NOTCH2: variants seen among roughly 807,000 people sequenced by gnomAD.
The protein encoded by NOTCH2 is neurogenic locus notch homolog protein 2.
NOTCH2 carries 29 observed loss-of-function variants against 235.8 expected under a neutral mutation model. The ratio of observed to expected loss-of-function variants is 0.12; its 90% CI spans 0.09 to 0.17. The LOEUF (loss-of-function observed/expected upper bound fraction) is 0.17. Ranked by LOEUF, NOTCH2 falls within the 10% of genes least tolerant of loss-of-function variation. NOTCH2 has a pLI of 1.00. For synonymous variants in NOTCH2, 1,086 were observed against 1,141.5 expected (o/e 0.95, Z 0.98); for missense variants, 2,285 against 3,150.2 (o/e 0.73, Z 6.57).
At position 120,069,311 on chromosome 1, in the gene NOTCH2, G is replaced by C. The variant is rs782146126; in HGVS notation, c.73+23C>G. The C allele has an allele frequency of 1.2e-5, 19 of 1,550,550 alleles. No homozygotes were observed. In the South Asian group the frequency reaches 1.6e-4, roughly 13 times the overall value. ...GTGGCAGCCCCGGGCGCCGCGGACAGCGCCCCTCAGCCCGATACTCACCAT... is the reference window on the plus strand; with the variant it reads ...GTGGCAGCCCCGGGCGCCGCGGACACCGCCCCTCAGCCCGATACTCACCAT... On this transcript the variant is annotated intron_variant, in intron 1 of 33. Coordinates refer to ENST00000256646, the MANE Select transcript of NOTCH2 (RefSeq NM_024408.4).
rs73004269 is a variant in NOTCH2 at position 119,966,426 on chromosome 1, T to C, written c.1517A>G (p.Asn506Ser). Reference protein sequence around the residue: ...NECQSNPCVNNGQCVDKVNRF... With the variant: ...NECQSNPCVNSGQCVDKVNRF... ...ATTGACTTTATCCACACACTGCCCA[T>C]TGTTCACACAAGGGTTGCTCTGACA... Residue 506 changes from asparagine to serine, a missense_variant, in exon 9 of 34, where the codon AAT (asparagine) becomes AGT (serine). Transcript: ENST00000256646. 8 of 1,614,100 alleles carry C rather than the reference T, an allele frequency of 5.0e-6. No individual in the cohort carries two copies. The African/African-American group carries it at 8.0e-5, about 16-fold the overall frequency.
rs1289256580 is a variant in NOTCH2, at chr1:119,914,156, A to C, written c.*1150T>G. On this transcript the variant is annotated 3_prime_UTR_variant, in exon 34 of 34. Coordinates refer to ENST00000256646, the MANE Select transcript of NOTCH2 (RefSeq NM_024408.4). ...ATTTGAGACAGTGTCTTCTGTGGATATGAAAGGAAAGGCTCAACAGTTAAG... is the reference window on the plus strand; with the variant it reads ...ATTTGAGACAGTGTCTTCTGTGGATCTGAAAGGAAAGGCTCAACAGTTAAG... The C allele has an allele frequency of 4.3e-6, 1 of 233,146 alleles. No individual in the cohort carries two copies. The highest frequency in any genetic ancestry group is 6.0e-5 in the East Asian group (1 of 16,604). The allele number at this position is 233,146 out of a possible 1,614,324, so 14.4% of individuals were successfully genotyped here. A position where few individuals can be genotyped will look rare whatever the true frequency, so the allele number is the denominator to read the frequency against.
At chr1:120,058,301 C>G (rs1230408509) in intron 1 of NOTCH2, among the ~76,000 whole-genome samples, 1 of 151,502 alleles carries the variant, frequency 6.6e-6, no homozygotes, top group Non-Finnish European at 1.5e-5. Flanking sequence ...GTCAGGAGTA[C>G]GAGACCAGCC....
At position 120,069,390 on chromosome 1, in the gene NOTCH2, G is replaced by C. The variant is rs782374128; in HGVS notation, c.17C>G (p.Pro6Arg). Residue 6 changes from proline to arginine, a missense_variant, in exon 1 of 34, where the codon CCC (proline) becomes CGC (arginine). Physicochemically the swap from Pro to Arg is moderately radical, Grantham distance 103. Coordinates refer to ENST00000256646, the MANE Select transcript of NOTCH2 (RefSeq NM_024408.4). ...CGCCAGCAGCGCCCACAGCAGAGCG[G>C]GGCGCAGGGCGGGCATCTTCTCGGT... MPALR[P>R]ALLWALLALW... The C allele has an allele frequency of 7.1e-6, 11 of 1,552,452 alleles. No individual in the cohort carries two copies. In the South Asian group the frequency reaches 1.3e-4, roughly 18 times the overall value.
intron 1 of NOTCH2, among the ~76,000 whole-genome samples, chr1:120,041,578 A>AT (rs1553212823): frequency 6.7e-6 from 1 of 150,344 alleles, no homozygotes; most frequent in Non-Finnish European, 1.5e-5. Flanking sequence ...ACAGAAGAGA[A>AT]CTCTAGGTTT....
intron 11 of NOTCH2, among the ~76,000 whole-genome samples, chr1:119,962,018 C>A (rs922767359): frequency 6.6e-6 from 1 of 152,150 alleles, no homozygotes; most frequent in East Asian, 1.9e-4. Flanking sequence ...GTTGTCTGAC[C>A]GTTGCTTGCT....
chr1:120,033,829 A>C (rs1302922145), intron 1 of NOTCH2, among the ~76,000 whole-genome samples: 30 of 152,290 alleles, frequency 2.0e-4, no homozygotes, highest in African/African-American at 7.0e-4. Context: ...GGATACACTA[A>C]CTACCTTTTA....
intron 1 of NOTCH2, among the ~76,000 whole-genome samples, chr1:120,039,543 G>A (rs1425606229): frequency 5.0e-4 from 75 of 151,112 alleles, no homozygotes; most frequent in African/African-American, 1.7e-3. Flanking sequence ...CGAGTAGCTG[G>A]GACTATAGGT....
At chr1:120,028,900 C>T (rs1250172008) in intron 2 of NOTCH2, among the ~76,000 whole-genome samples, 1 of 151,240 alleles carries the variant, frequency 6.6e-6, no homozygotes, top group Non-Finnish European at 1.5e-5. Context: ...TCAATTGAGG[C>T]AGAAGAAAAA....
At chr1:119,960,539 G>T (rs377383709) in intron 11 of NOTCH2, among the ~76,000 whole-genome samples, 3 of 151,382 alleles carry the variant, frequency 2.0e-5, no homozygotes, top group African/African-American at 7.3e-5. Flanking sequence ...TATGAATTTA[G>T]TGATGCTTTC....
At position 119,915,763 on chromosome 1, in the gene NOTCH2, C is replaced by T. The variant is rs2101142432; in HGVS notation, c.6959G>A (p.Gly2320Glu). Residue 2320 changes from glycine to glutamate, a missense_variant, in exon 34 of 34, where the codon GGG (glycine) becomes GAG (glutamate). This residue lies in a region of NOTCH2 where 504 missense variants were observed against 538.0 expected (regional missense o/e 0.94). Transcript: ENST00000256646. ...IPKGSIAQPA[G>E]APQPQSTCPP... ...GCAGGTGGACTGAGGCTGGGGAGCC[C>T]CCGCTGGTTGGGCAATACTGCCTTT... The T allele has an allele frequency of 6.2e-7, 1 of 1,607,972 alleles. No homozygotes were observed. The highest frequency in any genetic ancestry group is 1.1e-5 in the South Asian group (1 of 90,600).
At chr1:120,057,959 TG>T (rs1553215517) in intron 1 of NOTCH2, among the ~76,000 whole-genome samples, 1 of 105,520 alleles carries the variant, frequency 9.5e-6, no homozygotes, top group African/African-American at 3.7e-5. Flanking sequence ...TAAAACACCA[TG>T]ATTTATTGCA....
rs1278237376 is a variant in NOTCH2, at chr1:120,069,574, G to A, written c.-168C>T. Reference sequence around the variant, plus strand: ...CCAGGCGCAAATGCCTCGACTCCCCGCGCCCCGAGTCCGCCGCTCCTCGGC... The same window carrying A: ...CCAGGCGCAAATGCCTCGACTCCCCACGCCCCGAGTCCGCCGCTCCTCGGC... On this transcript the variant is annotated 5_prime_UTR_variant, in exon 1 of 34. Transcript: ENST00000256646. The A allele has an allele frequency of 1.4e-6, 2 of 1,410,268 alleles. No homozygotes were observed. The highest frequency in any genetic ancestry group is 2.9e-5 in the East Asian group (1 of 34,740). 87.4% of individuals were successfully genotyped at this position (1,410,268 alleles called of 1,614,324 possible). A position where few individuals can be genotyped will look rare whatever the true frequency, so the allele number is the denominator to read the frequency against.
At chr1:119,951,840 G>A (rs1319060862) in intron 14 of NOTCH2, among the ~76,000 whole-genome samples, 1 of 152,218 alleles carries the variant, frequency 6.6e-6, no homozygotes, top group East Asian at 1.9e-4. Flanking sequence ...TGCCCACTGG[G>A]CATATAATTT....
intron 5 of NOTCH2, among the ~76,000 whole-genome samples, chr1:119,975,049 T>C (rs1651518214): frequency 2.0e-5 from 3 of 152,180 alleles, no homozygotes; most frequent in Admixed American, 2.0e-4. Context: ...TGCCCAACTT[T>C]GCACAGTTAG....
chr1:120,003,259 G>C (rs1652837456), intron 3 of NOTCH2, among the ~76,000 whole-genome samples: 1 of 151,928 alleles, frequency 6.6e-6, no homozygotes, highest in South Asian at 2.1e-4. Context: ...TTTGGTTTTG[G>C]AACTCAGACT....
Position 119,988,841 on chromosome 1 carries a change from G to A in NOTCH2, c.752-1759C>T, listed in dbSNP as rs77681356. Among the ~76,000 whole-genome samples the A allele has an allele frequency of 4.1e-4, 63 of 152,228 alleles. No homozygotes were observed. The East Asian group carries it at 5.4e-3, about 13-fold the overall frequency. On this transcript the variant is annotated intron_variant, in intron 4 of 33. Coordinates refer to ENST00000256646, the MANE Select transcript of NOTCH2 (RefSeq NM_024408.4). ...TTGACTAGGGTGTCAGGGAGGTAGCGAAGCCCTTGTAGCTCAACTATAAGG... is the reference window on the plus strand; with the variant it reads ...TTGACTAGGGTGTCAGGGAGGTAGCAAAGCCCTTGTAGCTCAACTATAAGG...
chr1:119,936,618 C>T (rs1421133102), intron 21 of NOTCH2, among the ~76,000 whole-genome samples: 4 of 152,314 alleles, frequency 2.6e-5, no homozygotes, highest in Admixed American at 2.6e-4. Flanking sequence ...GGCCAAAATA[C>T]AGAAGCTATC....
At position 119,922,327 on chromosome 1, in the gene NOTCH2, A is replaced by G. The variant is rs1196279977; in HGVS notation, c.5122T>C (p.Ser1708Pro). 3.7e-6 allele frequency: 6 copies of G among 1,614,024 alleles called. No individual in the cohort carries two copies. The Admixed American group carries it at 1.0e-4, about 27-fold the overall frequency. ...IMAKRKRKHG[S>P]LWLPEGFTLR... Reference sequence around the variant, plus strand: ...GTGAAACCTTCAGGCAGCCAGAGAGAGCCATGCTTACGCTTTCGTTTTGCC... The same window carrying G: ...GTGAAACCTTCAGGCAGCCAGAGAGGGCCATGCTTACGCTTTCGTTTTGCC... The change falls in exon 28 of 34, where the codon TCT (serine) becomes CCT (proline). Residue 1708 changes from serine (S) to proline (P), a missense_variant. Ser to Pro is a moderately conservative substitution (Grantham distance 74). Transcript: ENST00000256646.
Sources: allele counts gnomAD v4.1 joint callset (sites outside exome capture counted in the v4.1 genomes callset), GRCh38; gene constraint gnomAD v4.1.1; regional missense constraint gnomAD v4.1.1; transcripts MANE v1.5; gene names NCBI Gene and HGNC (gene_info 2026-07-23, HGNC 2026-07-21).